The following SLC35F4 variants were observed in gnomAD, a reference collection of about 807,000 sequenced individuals.
SLC35F4 encodes the protein solute carrier family 35 member F4.
SLC35F4 carries 24 observed loss-of-function variants against 44.2 expected under a neutral mutation model. The observed-to-expected ratio is 0.54, with a 90% CI of 0.39 to 0.76. The LOEUF (loss-of-function observed/expected upper bound fraction) is 0.76. Ranked by LOEUF, SLC35F4 falls within the 30% of genes least tolerant of loss-of-function variation. The probability of loss-of-function intolerance (pLI) is 0.00; values close to 1 mark genes in which losing one functional copy is unlikely to be tolerated. For synonymous variants in SLC35F4, 238 were observed against 223.6 expected (o/e 1.06, Z -0.57); for missense variants, 562 against 586.1 (o/e 0.96, Z 0.42).
chr14:57,923,508 A>C (rs1436599308), intron 1 of SLC35F4, among the ~76,000 whole-genome samples: 2 of 152,214 alleles, frequency 1.3e-5, no homozygotes, highest in African/African-American at 4.8e-5. Flanking sequence ...CTATCCAACC[A>C]ACAATGTACA....
chr14:57,937,582 AAAAG>A (rs767146302), intron 1 of SLC35F4, among the ~76,000 whole-genome samples: 3,835 of 117,478 alleles, frequency 0.033, 80 homozygotes, highest in Middle Eastern at 0.049. Flanking sequence ...AAGAGAAAAG[AAAAG>A]AAAGAAAAGA....
At chr14:57,836,813 T>C (rs1414205338) in intron 1 of SLC35F4, among the ~76,000 whole-genome samples, 2 of 152,166 alleles carry the variant, frequency 1.3e-5, no homozygotes, top group Non-Finnish European at 2.9e-5. Flanking sequence ...ACAGACATTA[T>C]ATCTTTCCAT....
intron 1 of SLC35F4, among the ~76,000 whole-genome samples, chr14:57,771,183 A>G (rs932891858): frequency 6.6e-6 from 1 of 152,162 alleles, no homozygotes. Context: ...ATTAAGTGAG[A>G]TCATTTTCCT....
chr14:57,933,876 A>G (rs9323320), intron 1 of SLC35F4, among the ~76,000 whole-genome samples: 10,987 of 152,270 alleles, frequency 0.072, 530 homozygotes, highest in African/African-American at 0.13. Context: ...AGCAAAAAAA[A>G]GTCTTGACAC....
intron 3 of SLC35F4, among the ~76,000 whole-genome samples, chr14:57,585,973 A>G (rs997643578): frequency 1.3e-5 from 2 of 152,206 alleles, no homozygotes; most frequent in African/African-American, 4.8e-5. Flanking sequence ...TTGGAAAAAA[A>G]CTACTTTAAA....
intron 1 of SLC35F4, among the ~76,000 whole-genome samples, chr14:57,951,732 T>C (rs1396975401): frequency 3.3e-5 from 5 of 152,194 alleles, no homozygotes; most frequent in Non-Finnish European, 7.3e-5. Context: ...ACTGCCTCTC[T>C]AGATTTCTCC....
chr14:57,912,796 G>A (rs1889242294), intron 1 of SLC35F4, among the ~76,000 whole-genome samples: 1 of 152,010 alleles, frequency 6.6e-6, no homozygotes, highest in African/African-American at 2.4e-5. Context: ...GACTGATGGT[G>A]CTGATGATTT....
intron 1 of SLC35F4, among the ~76,000 whole-genome samples, chr14:57,711,888 T>G (rs1304888229): frequency 2.0e-5 from 3 of 152,188 alleles, no homozygotes; most frequent in Non-Finnish European, 2.9e-5. Context: ...TTCAGTGAAG[T>G]GAGAGTTTAG....
At chr14:57,946,211 TAA>T (rs1890022822) in intron 1 of SLC35F4, among the ~76,000 whole-genome samples, 2 of 152,134 alleles carry the variant, frequency 1.3e-5, no homozygotes, top group Admixed American at 6.5e-5. Flanking sequence ...AGCCAATGTC[TAA>T]AAGAGTTTTT....
At chr14:57,681,150 C>T (rs2074889300) in intron 1 of SLC35F4, among the ~76,000 whole-genome samples, 1 of 152,096 alleles carries the variant, frequency 6.6e-6, no homozygotes, top group South Asian at 2.1e-4. Context: ...ACCAAAACAG[C>T]ATGGTCCTGG....
chr14:57,668,856 A>G (rs892422139), intron 1 of SLC35F4, among the ~76,000 whole-genome samples: 7 of 152,064 alleles, frequency 4.6e-5, no homozygotes, highest in Non-Finnish European at 7.3e-5. Flanking sequence ...GTTTTTTCCA[A>G]TTCTGTGAAC....
chr14:57,962,439 C>T (rs1416655724), intron 1 of SLC35F4, among the ~76,000 whole-genome samples: 4 of 152,150 alleles, frequency 2.6e-5, no homozygotes, highest in South Asian at 2.1e-4. Flanking sequence ...GCAGTGGCTG[C>T]GGCGCAGATT....
At chr14:57,914,539 G>C (rs1208236228) in intron 1 of SLC35F4, among the ~76,000 whole-genome samples, 1 of 151,896 alleles carries the variant, frequency 6.6e-6, no homozygotes, top group Non-Finnish European at 1.5e-5. Context: ...CTCCAGCCTG[G>C]GCAGCATAGC....
In SLC35F4 at chr14:57,707,084, G is replaced by A. The variant is rs572177875; in HGVS notation, c.104-112960C>T. 6.5e-4 allele frequency among the ~76,000 whole-genome samples: 99 copies of A among 152,242 alleles called. No homozygotes were observed. The South Asian group carries it at 9.7e-3, about 15-fold the overall frequency. Reference sequence around the variant, plus strand: ...AGTATTTGGATTTAAAAGGTATTGGGAAAAAGAATCAGTAAAACTTTGAAA... The same window carrying A: ...AGTATTTGGATTTAAAAGGTATTGGAAAAAAGAATCAGTAAAACTTTGAAA... On this transcript the variant is annotated intron_variant, in intron 1 of 7. Coordinates refer to ENST00000556826, the MANE Select transcript of SLC35F4 (RefSeq NM_001306087.2).
At chr14:57,618,248 G>T (rs1461922232) in intron 1 of SLC35F4, among the ~76,000 whole-genome samples, 1 of 152,226 alleles carries the variant, frequency 6.6e-6, no homozygotes, top group Non-Finnish European at 1.5e-5. Flanking sequence ...TTACTGGCAA[G>T]ATGGCCAAAT....
At chr14:57,859,634 C>T (rs1244319230) in intron 1 of SLC35F4, among the ~76,000 whole-genome samples, 1 of 152,070 alleles carries the variant, frequency 6.6e-6, no homozygotes, top group African/African-American at 2.4e-5. Context: ...GTGAGATGAA[C>T]ACATCTGCAC....
chr14:57,887,806 G>A (rs114002625), intron 1 of SLC35F4, among the ~76,000 whole-genome samples: 3 of 152,154 alleles, frequency 2.0e-5, no homozygotes, highest in African/African-American at 4.8e-5. Flanking sequence ...CCTCAACAGC[G>A]ATACAAAGTC....
chr14:57,951,133 T>C (rs1368213148), intron 1 of SLC35F4, among the ~76,000 whole-genome samples: 2 of 152,080 alleles, frequency 1.3e-5, no homozygotes, highest in African/African-American at 4.8e-5. Flanking sequence ...GGTTAGACAA[T>C]GGGTATAGCC....
At chr14:57,971,650 C>T (rs547404359) in intron 1 of SLC35F4, among the ~76,000 whole-genome samples, 2 of 152,052 alleles carry the variant, frequency 1.3e-5, no homozygotes, top group Admixed American at 1.3e-4. Flanking sequence ...AAAATAAACA[C>T]AGTACTGTAT....
Sources: gnomAD v4.1 joint callset for allele counts (sites outside exome capture counted in the v4.1 genomes callset) on GRCh38, gnomAD v4.1.1 for gene constraint, MANE v1.5 for transcripts, NCBI Gene and HGNC (gene_info 2026-07-23, HGNC 2026-07-21) for gene names.